Variants in VPS35L observed in about 807,000 individuals in gnomAD.
VPS35L encodes the protein VPS35 endosomal protein sorting factor like.
In VPS35L, 83 loss-of-function variants were observed where a neutral mutation model predicts 133.0. That is an observed-to-expected ratio of 0.62 (90% CI 0.52 to 0.75). The LOEUF is 0.75. Among genes scored for constraint, VPS35L ranks in the 30% least tolerant of loss-of-function variants. VPS35L has a pLI of 0.00. For synonymous variants in VPS35L, 423 were observed against 449.9 expected (o/e 0.94, Z 0.76); for missense variants, 1,083 against 1,206.8 (o/e 0.90, Z 1.52).
chr16:19,668,680 T>G (rs1974775485), intron 26 of VPS35L, among the ~76,000 whole-genome samples: 1 of 151,954 alleles, frequency 6.6e-6, no homozygotes, highest in East Asian at 1.9e-4. Flanking sequence ...CTAGAATAGA[T>G]TCAAACTGAC....
intron 14 of VPS35L, among the ~76,000 whole-genome samples, chr16:19,623,426 G>A (rs1026898242): frequency 1.3e-5 from 2 of 152,032 alleles, no homozygotes; most frequent in Non-Finnish European, 2.9e-5. Flanking sequence ...TGTGGGATTC[G>A]GATCCCACCC....
intron 14 of VPS35L, among the ~76,000 whole-genome samples, chr16:19,624,615 A>T (rs1945301475): frequency 1.3e-5 from 2 of 151,796 alleles, no homozygotes; most frequent in Non-Finnish European, 2.9e-5. Context: ...ACAAACAAAC[A>T]AAAATACTTA....
chr16:19,560,394 A>G (rs774754975), intron 1 of VPS35L, among the ~76,000 whole-genome samples: 1 of 152,246 alleles, frequency 6.6e-6, no homozygotes. Flanking sequence ...AGTAATTCCA[A>G]TAGGGACAGA....
intron 27 of VPS35L, among the ~76,000 whole-genome samples, chr16:19,677,369 C>T (rs550619150): frequency 2.6e-5 from 4 of 152,172 alleles, no homozygotes; most frequent in Non-Finnish European, 5.9e-5. Flanking sequence ...AGGCGTGAGC[C>T]ATGCGTCCAG....
chr16:19,696,984 AAGG>A (rs1356284858), intron 29 of VPS35L, among the ~76,000 whole-genome samples: 6 of 152,210 alleles, frequency 3.9e-5, no homozygotes, highest in Non-Finnish European at 8.8e-5. Flanking sequence ...ACCAGGTTAA[AAGG>A]AGAGCAGGAT....
chr16:19,695,988 G>C (rs545536952), intron 29 of VPS35L, among the ~76,000 whole-genome samples: 5 of 152,036 alleles, frequency 3.3e-5, no homozygotes, highest in African/African-American at 1.2e-4. Flanking sequence ...CCAGATTCAA[G>C]TGATTCTCCT....
intron 14 of VPS35L, among the ~76,000 whole-genome samples, chr16:19,624,663 C>G (rs1304460826): frequency 6.6e-6 from 1 of 152,110 alleles, no homozygotes; most frequent in Non-Finnish European, 1.5e-5. Flanking sequence ...CCAGACTGGT[C>G]TTGAATTCCT....
At chr16:19,632,123 C>T (rs9922803) in intron 18 of VPS35L, among the ~76,000 whole-genome samples, 12,880 of 151,806 alleles carry the variant, frequency 0.085, 734 homozygotes, top group East Asian at 0.22. Flanking sequence ...GACCACACCC[C>T]GCTAATTTTA....
chr16:19,649,724 T>C (rs572860438), intron 24 of VPS35L, among the ~76,000 whole-genome samples: 1 of 152,246 alleles, frequency 6.6e-6, no homozygotes, highest in Non-Finnish European at 1.5e-5. Flanking sequence ...CCTAAGGCTC[T>C]TTCATTATTT....
At chr16:19,618,387 A>T (rs1972967353) in intron 14 of VPS35L, among the ~76,000 whole-genome samples, 1 of 152,194 alleles carries the variant, frequency 6.6e-6, no homozygotes, top group Non-Finnish European at 1.5e-5. Context: ...GGTAGTGCAA[A>T]ATTGGAGGCA....
chr16:19,665,992 A>G (rs1457361687), intron 26 of VPS35L, among the ~76,000 whole-genome samples: 2 of 151,658 alleles, frequency 1.3e-5, no homozygotes, highest in Non-Finnish European at 2.9e-5. Context: ...AGAAACATCT[A>G]TTGAAATCTT....
At chr16:19,594,644 C>CAAAAAAAAAAAAAA (rs57187565) in intron 8 of VPS35L, among the ~76,000 whole-genome samples, 9 of 31,502 alleles carry the variant, frequency 2.9e-4, no homozygotes, top group African/African-American at 4.2e-4. Flanking sequence ...GATTTCGTCT[C>CAAAAAAAAAAAAAA]AAAAAAAAAA....
intron 2 of VPS35L, among the ~76,000 whole-genome samples, chr16:19,568,341 C>T (rs1279693573): frequency 6.6e-6 from 1 of 151,450 alleles, no homozygotes; most frequent in African/African-American, 2.4e-5. Context: ...CACTGTATCG[C>T]CCAGCTGGAG....
At position 19,639,538 on chromosome 16, in the gene VPS35L, T is replaced by C. The variant is rs1377469991; in HGVS notation, c.1699-477T>C. Among the ~76,000 whole-genome samples the C allele has an allele frequency of 1.3e-5, 2 of 152,204 alleles. No individual in the cohort carries two copies. The highest frequency in any genetic ancestry group is 2.9e-5 in the Non-Finnish European group (2 of 68,026). The stretch of plus-strand genomic sequence containing the variant: ...ACAGCTTTTTATTTTGTTTGTTTGT[T>C]TATTTTTGAGATAGAGTCTTGCTCT... On this transcript the variant is annotated intron_variant, in intron 20 of 30. Transcript: ENST00000417362. The surrounding 1 kb of genome is among the most constrained non-coding windows in gnomAD (Gnocchi z 4.1).
intron 29 of VPS35L, among the ~76,000 whole-genome samples, chr16:19,697,656 C>T (rs562866768): frequency 2.6e-4 from 40 of 152,170 alleles, no homozygotes; most frequent in African/African-American, 6.3e-4. Context: ...TTTTAGCCAC[C>T]GAGAGTAGTT....
rs567987663 is a variant in VPS35L at position 19,639,461 on chromosome 16, T to A, written c.1699-554T>A. ...TTGCCTGGATGGCTCACCAAAATGT[T>A]AACTGGTCCCAGCACCAATCCCTGG... On this transcript the variant is annotated intron_variant, in intron 20 of 30. Transcript: ENST00000417362. The surrounding 1 kb of genome is among the most constrained non-coding windows in gnomAD (Gnocchi z 4.1). Among the ~76,000 whole-genome samples the A allele has an allele frequency of 4.7e-4, 72 of 152,356 alleles. No individual in the cohort carries two copies. Among genetic ancestry groups the A allele is most frequent in the African/African-American group, 1.6e-3 (66 of 41,578 alleles).
At chr16:19,585,480 C>G (rs1371268518) in intron 7 of VPS35L, among the ~76,000 whole-genome samples, 1 of 150,586 alleles carries the variant, frequency 6.6e-6, no homozygotes, top group Non-Finnish European at 1.5e-5. Flanking sequence ...ATAGCTCACT[C>G]CAGCCTCAAA....
intron 8 of VPS35L, among the ~76,000 whole-genome samples, chr16:19,599,358 C>T (rs1407104746): frequency 6.6e-6 from 1 of 152,122 alleles, no homozygotes; most frequent in Non-Finnish European, 1.5e-5. Context: ...GAAGCACTGG[C>T]TCAGAGGGAA....
chr16:19,569,428 C>T lies in VPS35L; in HGVS notation c.122C>T (p.Thr41Ile). The change falls in exon 3 of 31, where the codon ACA (threonine) becomes ATA (isoleucine). Residue 41 changes from threonine to isoleucine, a missense_variant. By Grantham distance (89) the Thr-to-Ile change is moderately conservative (BLOSUM62 -1). Coordinates refer to ENST00000417362, the MANE Select transcript of VPS35L (RefSeq NM_020314.7). ...DYHPLKPITV[T>I]ESKTKKVNRK... ...CTCCAGAAATTTTCCTCACAGGTCA[C>T]AGAGTCAAAGACAAAGAAAGTGAAC... 6.3e-7 allele frequency: 1 copy of T among 1,595,284 alleles called. No individual in the cohort carries two copies.
Sources: allele counts gnomAD v4.1 joint callset (sites outside exome capture counted in the v4.1 genomes callset), GRCh38; gene constraint gnomAD v4.1.1; non-coding constraint Gnocchi (gnomAD v3.1); transcripts MANE v1.5; gene names NCBI Gene and HGNC (gene_info 2026-07-23, HGNC 2026-07-21).